The following PCDHA3 variants were observed in gnomAD, a reference collection of about 807,000 sequenced individuals.
PCDHA3 encodes protocadherin alpha 3, also known as protocadherin alpha-3.
In PCDHA3, 41 loss-of-function variants were observed where a neutral mutation model predicts 62.2. The ratio of observed to expected loss-of-function variants is 0.66; its 90% CI spans 0.51 to 0.86. PCDHA3 has a LOEUF of 0.86. Ranked by LOEUF, PCDHA3 falls within the 40% of genes least tolerant of loss-of-function variation. The pLI, the probability that PCDHA3 is intolerant of heterozygous loss-of-function variation, is 0.00. For missense variants in PCDHA3, 1,304 were observed against 1,241.2 expected, an observed-to-expected ratio of 1.05 and a Z score of -0.76; for synonymous variants, 640 against 555.4, an observed-to-expected ratio of 1.15 and a Z score of -2.14.
At chr5:140,837,515 A>AC (rs1373880523) in intron 1 of PCDHA3, among the ~76,000 whole-genome samples, 1 of 96,498 alleles carries the variant, frequency 1.0e-5, no homozygotes, top group African/African-American at 5.4e-5. Context: ...GAAGCAGTTT[A>AC]CTTTTTTTGT....
intron 1 of PCDHA3, chr5:140,853,127 C>T (rs1172864205): frequency 3.4e-6 from 2 of 580,724 alleles, no homozygotes; most frequent in Non-Finnish European, 4.4e-6. Flanking sequence ...GATCCTCCCG[C>T]CTCAGCCTCC....
At chr5:140,880,684 A>G (rs903335932) in intron 1 of PCDHA3, among the ~76,000 whole-genome samples, 27 of 152,226 alleles carry the variant, frequency 1.8e-4, no homozygotes, top group Admixed American at 1.2e-3. Flanking sequence ...TGAAGAGAAT[A>G]GTCATGGTTA....
chr5:140,897,781 T>G (rs1437567567), intron 1 of PCDHA3, among the ~76,000 whole-genome samples: 1 of 152,172 alleles, frequency 6.6e-6, no homozygotes, highest in East Asian at 1.9e-4. Flanking sequence ...TCCACAATGG[T>G]TGAACTAGTT....
At chr5:140,870,436 G>A (rs782478068) in intron 1 of PCDHA3, 7 of 1,614,128 alleles carry the variant, frequency 4.3e-6, no homozygotes, top group Non-Finnish European at 5.9e-6. Context: ...CGTGGAGGTG[G>A]CCGACGTGAA....
chr5:140,995,861 A>G (rs2097700846), intron 3 of PCDHA3, among the ~76,000 whole-genome samples: 1 of 152,220 alleles, frequency 6.6e-6, no homozygotes. Context: ...GTATCACTTA[A>G]TAATTGTGCA....
rs2150224520 is a variant in PCDHA3 at position 140,834,696 on chromosome 5, C to T, written c.2394+31105C>T. 3 of 1,614,242 alleles carry T rather than the reference C, an allele frequency of 1.9e-6. No homozygotes were observed. In the South Asian group the frequency reaches 3.3e-5, roughly 18 times the overall value. On this transcript the variant is annotated intron_variant, in intron 1 of 3. Transcript: ENST00000522353. The stretch of plus-strand genomic sequence containing the variant: ...CGGGCGGAGCGCGGAGTGCAGCATC[C>T]ACCTGGAGGTGATCGTGGAAAGGCC...
chr5:140,933,300 A>G (rs541308392), intron 1 of PCDHA3, among the ~76,000 whole-genome samples: 41 of 152,132 alleles, frequency 2.7e-4, no homozygotes, highest in African/African-American at 9.4e-4. Context: ...ATCTGGAAAT[A>G]AATATGCAAT....
At chr5:140,839,728 G>T (rs1776382427) in intron 1 of PCDHA3, among the ~76,000 whole-genome samples, 1 of 151,992 alleles carries the variant, frequency 6.6e-6, no homozygotes, top group Non-Finnish European at 1.5e-5. Flanking sequence ...TCATTTCACA[G>T]AAAATACCCT....
At chr5:140,853,149 G>T in intron 1 of PCDHA3, 1 of 844,586 alleles carries the variant, frequency 1.2e-6, no homozygotes, top group Non-Finnish European at 1.5e-6. Flanking sequence ...AAAATGCTGG[G>T]ATTACAGGCG....
At chr5:140,842,325 C>A in intron 1 of PCDHA3, 2 of 1,607,094 alleles carry the variant, frequency 1.2e-6, no homozygotes, top group Non-Finnish European at 8.5e-7. Context: ...GGTCATTGCA[C>A]CGTTTTAGTG....
rs145391750 is a variant in PCDHA3, at chr5:140,989,649, A to G, written c.2542+7086A>G. On this transcript the variant is annotated intron_variant, in intron 3 of 3. Coordinates refer to ENST00000522353, the MANE Select transcript of PCDHA3 (RefSeq NM_018906.3). ...GTGACAGCAAGGGTCTTTCATGGCA[A>G]TATTTTAAAAGAAACTCTGCCCAGA... 1.8e-3 allele frequency among the ~76,000 whole-genome samples: 268 copies of G among 152,316 alleles called. 1 individual carries two copies. The highest frequency in any genetic ancestry group is 6.3e-3 in the African/African-American group (263 of 41,564).
intron 1 of PCDHA3, chr5:140,849,874 A>G: frequency 6.3e-7 from 1 of 1,598,610 alleles, no homozygotes. Flanking sequence ...CAGTCCGAGT[A>G]CACGGTGTTC....
In PCDHA3 at chr5:140,968,189, T is replaced by G. The variant is rs181004208; in HGVS notation, c.2395-10760T>G. The G allele has an allele frequency of 2.2e-5, 35 of 1,614,034 alleles. No individual in the cohort carries two copies. The Admixed American group carries it at 4.2e-4, about 19-fold the overall frequency. On this transcript the variant is annotated intron_variant, in intron 1 of 3. Coordinates refer to ENST00000522353, the MANE Select transcript of PCDHA3 (RefSeq NM_018906.3). ...ACCAAGCTTCCTGGAGGACTCCTAT[T>G]CCATCTACATACAGGAGAACAATTT... is the stretch of plus-strand genomic sequence containing the variant.
chr5:140,809,011 G>T, intron 1 of PCDHA3: 1 of 1,613,732 alleles, frequency 6.2e-7, no homozygotes, highest in Non-Finnish European at 8.5e-7. Context: ...CGTGGCTTTC[G>T]TACGAGCTGC....
At chr5:140,887,776 G>T (rs2061574225) in intron 1 of PCDHA3, among the ~76,000 whole-genome samples, 1 of 152,036 alleles carries the variant, frequency 6.6e-6, no homozygotes, top group Non-Finnish European at 1.5e-5. Context: ...CAATGACACA[G>T]GTCATTGAAG....
intron 1 of PCDHA3, chr5:140,859,995 A>C (rs1279929843): frequency 6.6e-6 from 1 of 152,046 alleles, no homozygotes; most frequent in Non-Finnish European, 1.5e-5. Context: ...CTCTCCATCA[A>C]TACTAACTTA....
At chr5:140,864,302 C>T (rs550549818) in intron 1 of PCDHA3, 1 of 152,214 alleles carries the variant, frequency 6.6e-6, no homozygotes, top group Non-Finnish European at 1.5e-5. Context: ...TTCAAAAATA[C>T]CATGACAATA....
chr5:140,990,189 A>C (rs2097379694), intron 3 of PCDHA3, among the ~76,000 whole-genome samples: 1 of 152,218 alleles, frequency 6.6e-6, no homozygotes, highest in Non-Finnish European at 1.5e-5. Flanking sequence ...TAAGAACCAA[A>C]TGTGGACCCG....
At chr5:140,850,732 G>C (rs1320738084) in intron 1 of PCDHA3, 1 of 1,597,956 alleles carries the variant, frequency 6.3e-7, no homozygotes, top group Non-Finnish European at 8.6e-7. Flanking sequence ...AGCGCGGTGG[G>C]GAGTTGGTCG....
Sources: gnomAD v4.1 joint callset for allele counts (sites outside exome capture counted in the v4.1 genomes callset) on GRCh38, gnomAD v4.1.1 for gene constraint, MANE v1.5 for transcripts, NCBI Gene and HGNC (gene_info 2026-07-23, HGNC 2026-07-21) for gene names.